TTC39A: variants seen among roughly 807,000 people sequenced by gnomAD.
The protein encoded by TTC39A is tetratricopeptide repeat protein 39A.
In TTC39A, 46 loss-of-function variants were observed where a neutral mutation model predicts 82.3. The observed-to-expected ratio is 0.56, with a 90% CI of 0.44 to 0.71. The LOEUF is 0.71. TTC39A is among the 30% of genes least tolerant of loss of function. TTC39A has a pLI of 0.00. For synonymous variants in TTC39A, 254 were observed against 275.2 expected (o/e 0.92, Z 0.76); for missense variants, 543 against 712.9 (o/e 0.76, Z 2.71).
upstream of TTC39A, among the ~76,000 whole-genome samples, chr1:51,335,812 C>T (rs1645967569): frequency 6.6e-6 from 1 of 152,110 alleles, no homozygotes; most frequent in Non-Finnish European, 1.5e-5. Context: ...AGCAGTGACA[C>T]ATGATGCCAT....
upstream of TTC39A, among the ~76,000 whole-genome samples, chr1:51,333,842 G>A (rs1645941691): frequency 6.6e-6 from 1 of 152,228 alleles, no homozygotes; most frequent in Admixed American, 6.5e-5. Flanking sequence ...CTAGTCACCA[G>A]ACACTAATGC....
chr1:51,289,996 G>C lies in TTC39A; in HGVS notation c.1493+9C>G, dbSNP rs1243102089. ...CAGACCCAGAAGGAGCAGCTGCAGA[G>C]GCACTTACTTGGCAGAGATGCTCCT... On this transcript the variant is annotated intron_variant, in intron 16 of 17. Transcript: ENST00000680483. 2 of 1,609,640 alleles carry C rather than the reference G, an allele frequency of 1.2e-6. No individual in the cohort carries two copies. Among genetic ancestry groups the C allele is most frequent in the South Asian group, 2.2e-5 (2 of 90,592 alleles).
intron 2 of TTC39A, among the ~76,000 whole-genome samples, chr1:51,319,364 G>A (rs1172598567): frequency 6.6e-6 from 1 of 152,152 alleles, no homozygotes; most frequent in Non-Finnish European, 1.5e-5. Flanking sequence ...CTCAGAAGAG[G>A]ACTGACCTAG....
chr1:51,303,229 G>A (rs777731948), intron 8 of TTC39A, 37 bp from the exon 9 acceptor site: 22 of 1,522,640 alleles, frequency 1.4e-5, no homozygotes, highest in African/African-American at 2.8e-5. Flanking sequence ...CTCCCAGAGA[G>A]GGCAGGGGCC....
chr1:51,306,639 T>G (rs989755713), intron 6 of TTC39A, among the ~76,000 whole-genome samples: 5 of 152,170 alleles, frequency 3.3e-5, no homozygotes, highest in African/African-American at 1.2e-4. Context: ...TCAACTCTAT[T>G]TCTCCTGGTT....
intron 14 of TTC39A, among the ~76,000 whole-genome samples, chr1:51,291,821 A>T (rs187771358): frequency 0.017 from 2,587 of 151,124 alleles, 78 homozygotes; most frequent in African/African-American, 0.061. Context: ...AAAAAAAAAA[A>T]TTCTTTTCAC....
Position 51,330,499 on chromosome 1 carries a change from C to T in TTC39A, c.-22G>A, listed in dbSNP as rs1645874296. 15 of 983,746 alleles carry T rather than the reference C, an allele frequency of 1.5e-5. No homozygotes were observed. The highest frequency in any genetic ancestry group is 1.7e-5 in the Non-Finnish European group (14 of 830,216). 60.9% of individuals were successfully genotyped at this position (983,746 alleles called of 1,614,324 possible). A position where few individuals can be genotyped will look rare whatever the true frequency, so the allele number is the denominator to read the frequency against. On this transcript the variant is annotated 5_prime_UTR_variant, in exon 1 of 18. Coordinates refer to ENST00000680483, the MANE Select transcript of TTC39A (RefSeq NM_001297663.2). The surrounding 1 kb of genome is among the most constrained non-coding windows in gnomAD (Gnocchi z 4.5). ...TCATCGCCGAGGGGCGCGGGCGGCG[C>T]TGCCCCAGCCGGACGCCAATCGCGG...
chr1:51,326,931 C>T (rs539831886), intron 1 of TTC39A, among the ~76,000 whole-genome samples: 23 of 152,324 alleles, frequency 1.5e-4, no homozygotes, highest in Admixed American at 4.6e-4. Flanking sequence ...TGGAGCAGAG[C>T]TGGTGACCAA....
intron 3 of TTC39A, 99 bp downstream of exon 3, chr1:51,312,713 G>A: frequency 6.6e-7 from 1 of 1,503,880 alleles, no homozygotes; most frequent in East Asian, 2.3e-5. Flanking sequence ...TTAGCCAAAA[G>A]CAGCAGTGCG....
chr1:51,300,169 A>C (rs1644597531), intron 12 of TTC39A: 1 of 152,278 alleles, frequency 6.6e-6, no homozygotes, highest in Admixed American at 6.5e-5. Context: ...GGAAAGTCAC[A>C]GTCCTCGCTT....
chr1:51,344,413 C>T (rs1175558990), intron 1 of TTC39A, among the ~76,000 whole-genome samples: 1 of 152,124 alleles, frequency 6.6e-6, no homozygotes, highest in African/African-American at 2.4e-5. Flanking sequence ...TAACTTATCC[C>T]GGAGGTAGGG....
rs563180209 is a variant in TTC39A, at chr1:51,289,304, G to A, written c.1494-349C>T. Among the ~76,000 whole-genome samples the A allele has an allele frequency of 5.9e-5, 9 of 152,234 alleles. No individual in the cohort carries two copies. In the South Asian group the frequency reaches 6.2e-4, roughly 11 times the overall value. On this transcript the variant is annotated intron_variant, in intron 16 of 17. Transcript: ENST00000680483. ...TTTAAACCCCAAGTCCTCCTTGCCC[G>A]GTACCCTTTCTGGCTGTCTTCTTTG... is the stretch of plus-strand genomic sequence containing the variant.
intron 1 of TTC39A, among the ~76,000 whole-genome samples, chr1:51,344,503 G>T (rs1037757047): frequency 2.6e-5 from 4 of 152,158 alleles, no homozygotes; most frequent in Non-Finnish European, 5.9e-5. Flanking sequence ...CCTGGACTGG[G>T]ACTGGAACCC....
chr1:51,305,658 C>T (rs1644840630), intron 7 of TTC39A: 2 of 407,226 alleles, frequency 4.9e-6, no homozygotes, highest in South Asian at 5.9e-5. Flanking sequence ...AGCAGCTCTC[C>T]AGGGCAGAGA....
chr1:51,312,474 C>T (rs1202200034), intron 3 of TTC39A, among the ~76,000 whole-genome samples: 2 of 152,186 alleles, frequency 1.3e-5, no homozygotes, highest in African/African-American at 4.8e-5. Flanking sequence ...GCTTCCTGGC[C>T]AGGTGATGCT....
At chr1:51,312,542 G>A (rs72906159) in intron 3 of TTC39A, among the ~76,000 whole-genome samples, 3 of 152,002 alleles carry the variant, frequency 2.0e-5, no homozygotes, top group African/African-American at 7.3e-5. Flanking sequence ...ATGTCTCTTC[G>A]TGTCCAGCCT....
upstream of TTC39A, among the ~76,000 whole-genome samples, chr1:51,335,587 C>G (rs922437172): frequency 1.1e-4 from 16 of 150,822 alleles, no homozygotes; most frequent in Non-Finnish European, 4.4e-5. Context: ...AAAAAGAGCC[C>G]TTAATAAATA....
At chr1:51,299,089 C>A (rs1391144811) in intron 12 of TTC39A, 1 of 152,226 alleles carries the variant, frequency 6.6e-6, no homozygotes, top group Non-Finnish European at 1.5e-5. Context: ...CAGCTGAATT[C>A]TCTCAGAGTA....
Position 51,294,599 on chromosome 1 carries a change from C to T in TTC39A, c.1146-88G>A. ...CAGCCTACCCAGCTATGCTTGGCGC[C>T]TCTCTGGGCCTCAGTTTCCCCATCT... On this transcript the variant is annotated intron_variant, in intron 13 of 17. Transcript: ENST00000680483. This position sits in a 1 kb window ranked among gnomAD's most constrained non-coding sequence, Gnocchi z 4.3. The T allele has an allele frequency of 6.4e-7, 1 of 1,562,286 alleles. No homozygotes were observed. The highest frequency in any genetic ancestry group is 8.7e-7 in the Non-Finnish European group (1 of 1,151,126).
Sources: allele counts gnomAD v4.1 joint callset (sites outside exome capture counted in the v4.1 genomes callset), GRCh38; gene constraint gnomAD v4.1.1; non-coding constraint Gnocchi (gnomAD v3.1); transcripts MANE v1.5; gene names NCBI Gene and HGNC (gene_info 2026-07-23, HGNC 2026-07-21).